The following CPQ variants were observed in gnomAD, a reference collection of about 807,000 sequenced individuals.
CPQ encodes carboxypeptidase Q.
In CPQ, 37 loss-of-function variants were observed where a neutral mutation model predicts 45.7. The observed-to-expected ratio is 0.81, with a 90% CI of 0.62 to 1.07. CPQ has a LOEUF of 1.07. Ranked by LOEUF, CPQ falls within the 50% of genes least tolerant of loss-of-function variation. CPQ has a pLI of 0.00. For synonymous variants in CPQ, 186 were observed against 205.8 expected (o/e 0.90, Z 0.82); for missense variants, 537 against 572.9 (o/e 0.94, Z 0.64).
intron 1 of CPQ, among the ~76,000 whole-genome samples, chr8:96,781,457 C>T (rs1810684188): frequency 6.6e-6 from 1 of 152,156 alleles, no homozygotes; most frequent in Admixed American, 6.6e-5. Context: ...AACCCATTCC[C>T]TCAATAAAGG....
chr8:96,867,580 C>T (rs551971163), intron 3 of CPQ, among the ~76,000 whole-genome samples: 5 of 151,738 alleles, frequency 3.3e-5, no homozygotes, highest in African/African-American at 1.2e-4. Flanking sequence ...GTAGAAAAGT[C>T]AAGAAAAACA....
intron 1 of CPQ, among the ~76,000 whole-genome samples, chr8:96,777,018 T>G (rs1473670923): frequency 6.6e-6 from 1 of 152,230 alleles, no homozygotes; most frequent in Admixed American, 6.5e-5. Context: ...TAGTTTAAGT[T>G]TAGACATTTC....
Position 96,674,501 on chromosome 8 carries a change from A to AATG in CPQ, c.-35+29101_-35+29103dup, listed in dbSNP as rs1809048762. On this transcript the variant is annotated intron_variant, in intron 1 of 7. Transcript: ENST00000220763. The stretch of plus-strand genomic sequence containing the variant: ...GAAATGCTTGTAGAGACTTTAAAAT[A>AATG]ATGAAAAATATTCAACACACCTGGC... 3.3e-5 allele frequency among the ~76,000 whole-genome samples: 5 copies of AATG among 152,268 alleles called. No homozygotes were observed. In the South Asian group the frequency reaches 1.0e-3, roughly 32 times the overall value.
intron 7 of CPQ, among the ~76,000 whole-genome samples, chr8:97,088,611 T>G (rs1373830364): frequency 6.6e-6 from 1 of 152,130 alleles, no homozygotes; most frequent in Non-Finnish European, 1.5e-5. Context: ...TAATTGATAT[T>G]TAAATGCTAC....
intron 2 of CPQ, among the ~76,000 whole-genome samples, chr8:96,814,627 TTTCA>T (rs1474301876): frequency 6.6e-6 from 1 of 152,198 alleles, no homozygotes; most frequent in Admixed American, 6.5e-5. Context: ...GCCATAATTT[TTTCA>T]TTCATTCTAT....
At chr8:96,799,046 G>C (rs1204841161) in intron 2 of CPQ, among the ~76,000 whole-genome samples, 1 of 152,194 alleles carries the variant, frequency 6.6e-6, no homozygotes, top group African/African-American at 2.4e-5. Context: ...TTTTAGCACT[G>C]TGTGATTCTC....
intron 1 of CPQ, among the ~76,000 whole-genome samples, chr8:96,737,230 TACACAC>T (rs377227683): frequency 7.0e-5 from 10 of 142,160 alleles, no homozygotes; most frequent in African/African-American, 1.9e-4. Flanking sequence ...ACTAATAAGA[TACACAC>T]ACACACACAC....
intron 1 of CPQ, among the ~76,000 whole-genome samples, chr8:96,776,479 C>G (rs1810606386): frequency 1.3e-5 from 2 of 152,152 alleles, no homozygotes; most frequent in Non-Finnish European, 2.9e-5. Flanking sequence ...TATCTTTTAG[C>G]ACATTCTCTT....
intron 7 of CPQ, among the ~76,000 whole-genome samples, chr8:97,139,230 A>G (rs1339048853): frequency 6.6e-6 from 1 of 152,196 alleles, no homozygotes; most frequent in Non-Finnish European, 1.5e-5. Flanking sequence ...TACCCCTAAC[A>G]GCATAACTTT....
intron 1 of CPQ, among the ~76,000 whole-genome samples, chr8:96,780,264 G>T (rs1334743232): frequency 6.6e-6 from 1 of 152,146 alleles, no homozygotes; most frequent in Non-Finnish European, 1.5e-5. Flanking sequence ...CTGGGGTGTT[G>T]TTTAGTGAGC....
intron 4 of CPQ, among the ~76,000 whole-genome samples, chr8:96,899,239 G>A (rs993890228): frequency 2.0e-5 from 3 of 152,104 alleles, no homozygotes; most frequent in South Asian, 2.1e-4. Flanking sequence ...ATGGGGATGC[G>A]TAGAGAGTAT....
At chr8:97,058,450 T>A (rs533684077) in intron 6 of CPQ, among the ~76,000 whole-genome samples, 1 of 152,108 alleles carries the variant, frequency 6.6e-6, no homozygotes, top group South Asian at 2.1e-4. Flanking sequence ...AAGAAACACA[T>A]CTTTATGTGT....
At position 96,767,635 on chromosome 8, in the gene CPQ, C is replaced by CTTTTTTTTTTTT. The variant is rs1172189500; in HGVS notation, c.-34-17214_-34-17203dup. ...AATCCCTTTCAGCTGGTTACCTATG[C>CTTTTTTTTTTTT]TTTTTTTTTTTTTTTTTTTTTTTTT... is the stretch of plus-strand genomic sequence containing the variant. On this transcript the variant is annotated intron_variant, in intron 1 of 7. Coordinates refer to ENST00000220763, the MANE Select transcript of CPQ (RefSeq NM_016134.4). 6.7e-3 allele frequency among the ~76,000 whole-genome samples: 265 copies of CTTTTTTTTTTTT among 39,318 alleles called. 49 individuals carry two copies. The highest frequency in any genetic ancestry group is 9.7e-3 in the Non-Finnish European group (221 of 22,876). The allele number at this position is 39,318 out of a possible 152,430, so 25.8% of individuals were successfully genotyped here.
chr8:97,044,360 T>C (rs1260055682), intron 6 of CPQ, among the ~76,000 whole-genome samples: 1 of 152,232 alleles, frequency 6.6e-6, no homozygotes, highest in East Asian at 1.9e-4. Context: ...CTTCTCTGTA[T>C]TGGTCATTCT....
chr8:96,725,166 G>C (rs1809820169), intron 1 of CPQ, among the ~76,000 whole-genome samples: 1 of 152,162 alleles, frequency 6.6e-6, no homozygotes, highest in Admixed American at 6.6e-5. Context: ...CTGGACATTG[G>C]CTTTGGCAAA....
rs368759276 is a variant in CPQ at position 97,104,063 on chromosome 8, A to G, written c.1255+37853A>G. Reference sequence around the variant, plus strand: ...CTCAGCTTGCAGGGATTTTCTGAGAATTAGGGATTTTCTGAGAATCACATG... The same window carrying G: ...CTCAGCTTGCAGGGATTTTCTGAGAGTTAGGGATTTTCTGAGAATCACATG... On this transcript the variant is annotated intron_variant, in intron 7 of 7. Transcript: ENST00000220763. 2.0e-5 allele frequency among the ~76,000 whole-genome samples: 3 copies of G among 152,162 alleles called. No homozygotes were observed. The East Asian group carries it at 5.8e-4, about 29-fold the overall frequency.
chr8:96,789,697 A>C (rs1303716380), intron 2 of CPQ, among the ~76,000 whole-genome samples: 1 of 152,236 alleles, frequency 6.6e-6, no homozygotes, highest in Non-Finnish European at 1.5e-5. Flanking sequence ...ACAGCCTTCC[A>C]GATTACCAGA....
intron 1 of CPQ, among the ~76,000 whole-genome samples, chr8:96,706,025 A>G (rs1054464020): frequency 1.3e-5 from 2 of 152,092 alleles, no homozygotes; most frequent in African/African-American, 4.8e-5. Context: ...CTCTGCTACT[A>G]ATAGCTTAGC....
chr8:97,002,927 A>C lies in CPQ; in HGVS notation c.962-26476A>C, dbSNP rs1453991711. 5.3e-5 allele frequency among the ~76,000 whole-genome samples: 8 copies of C among 152,318 alleles called. No individual in the cohort carries two copies. In the South Asian group the frequency reaches 1.5e-3, roughly 28 times the overall value. On this transcript the variant is annotated intron_variant, in intron 5 of 7. Coordinates refer to ENST00000220763, the MANE Select transcript of CPQ (RefSeq NM_016134.4). ...TTGAAGTTCTCTAGGAACTTGCTTT[A>C]TGAATCTGGGTACTCCTGTGTTGGG...
Sources: gnomAD v4.1 joint callset for allele counts (sites outside exome capture counted in the v4.1 genomes callset) on GRCh38, gnomAD v4.1.1 for gene constraint, MANE v1.5 for transcripts, NCBI Gene and HGNC (gene_info 2026-07-23, HGNC 2026-07-21) for gene names.